The following PSD3 variants were observed in gnomAD, a reference collection of about 807,000 sequenced individuals.
PSD3 encodes PH and SEC7 domain-containing protein 3.
In PSD3, 49 loss-of-function variants were observed where a neutral mutation model predicts 105.5. That is an observed-to-expected ratio of 0.46 (90% CI 0.37 to 0.59). PSD3 has a LOEUF of 0.59. PSD3 is among the 20% of genes least tolerant of loss of function. The pLI, the probability that PSD3 is intolerant of heterozygous loss-of-function variation, is 0.00. For synonymous variants in PSD3, 557 were observed against 457.8 expected, an observed-to-expected ratio of 1.22 and a Z score of -2.77; for missense variants, 1,561 against 1,263.8, an observed-to-expected ratio of 1.24 and a Z score of -3.57.
At chr8:18,948,420 C>A (rs996220984) in intron 1 of PSD3, among the ~76,000 whole-genome samples, 5 of 152,060 alleles carry the variant, frequency 3.3e-5, no homozygotes, top group Admixed American at 6.6e-5. Flanking sequence ...TAAAAGTCAG[C>A]CCAGCATAAT....
chr8:18,977,803 T>G (rs79623486), intron 1 of PSD3, among the ~76,000 whole-genome samples: 4,327 of 152,264 alleles, frequency 0.028, 111 homozygotes, highest in East Asian at 0.1. Flanking sequence ...TTTTCTTCTT[T>G]TTACTTATCC....
chr8:18,949,244 A>AAAAAAATATATAT (rs1345423514), intron 1 of PSD3, among the ~76,000 whole-genome samples: 1 of 14,404 alleles, frequency 6.9e-5, no homozygotes, highest in Non-Finnish European at 1.8e-4. Context: ...AAAAAAAAAA[A>AAAAAAATATATAT]ATATATATAT....
chr8:18,722,140 C>T (rs1803021814), intron 9 of PSD3, among the ~76,000 whole-genome samples: 3 of 151,404 alleles, frequency 2.0e-5, no homozygotes, highest in South Asian at 2.1e-4. Context: ...TCTACTAGAT[C>T]GGTGGGTGGA....
chr8:18,603,601 G>C (rs62498659), intron 11 of PSD3, among the ~76,000 whole-genome samples: 1 of 152,002 alleles, frequency 6.6e-6, no homozygotes, highest in Admixed American at 6.6e-5. Context: ...TTGCAATGTT[G>C]ATAGTGTTTA....
At chr8:18,841,869 C>T (rs1290872713) in intron 4 of PSD3, among the ~76,000 whole-genome samples, 2 of 152,240 alleles carry the variant, frequency 1.3e-5, no homozygotes, top group Non-Finnish European at 2.9e-5. Flanking sequence ...ACCCTAATCC[C>T]TTCATTAAAG....
intron 1 of PSD3, among the ~76,000 whole-genome samples, chr8:18,947,671 A>T (rs1185419045): frequency 3.9e-5 from 6 of 152,204 alleles, no homozygotes; most frequent in Non-Finnish European, 5.9e-5. Context: ...GTTCAAATGA[A>T]TCTTCCTTTG....
chr8:18,910,386 A>G (rs1259027898), intron 2 of PSD3, among the ~76,000 whole-genome samples: 8 of 124,212 alleles, frequency 6.4e-5, no homozygotes, highest in South Asian at 3.0e-4. Context: ...CTATCGCAAG[A>G]ACAAAAAACC....
chr8:18,949,259 ATATATATATATATATATATT>A (rs1180018774), intron 1 of PSD3, among the ~76,000 whole-genome samples: 14 of 105,540 alleles, frequency 1.3e-4, no homozygotes, highest in South Asian at 6.2e-4. Context: ...ATATATATAT[ATATATATATATATATATATT>A]TATAGTTTTC....
intron 4 of PSD3, among the ~76,000 whole-genome samples, chr8:18,825,074 G>A (rs1255300988): frequency 6.6e-6 from 1 of 152,148 alleles, no homozygotes; most frequent in Non-Finnish European, 1.5e-5. Flanking sequence ...AACAGAATTT[G>A]AAAAACCCTG....
intron 1 of PSD3, among the ~76,000 whole-genome samples, chr8:18,949,787 T>C (rs1403246319): frequency 6.6e-6 from 1 of 152,158 alleles, no homozygotes; most frequent in Non-Finnish European, 1.5e-5. Context: ...AAAGAGAGCA[T>C]AAGGTCCTGA....
chr8:18,746,646 G>C (rs1805053917), intron 9 of PSD3, among the ~76,000 whole-genome samples: 1 of 152,204 alleles, frequency 6.6e-6, no homozygotes, highest in Non-Finnish European at 1.5e-5. Flanking sequence ...TACAGTGTTT[G>C]TGTACTGTTC....
At chr8:18,942,485 C>T (rs184873595) in intron 1 of PSD3, among the ~76,000 whole-genome samples, 433 of 152,220 alleles carry the variant, frequency 2.8e-3, no homozygotes, top group African/African-American at 1.0e-2. Flanking sequence ...TGAATTGTGT[C>T]CCCCCAAGAT....
chr8:18,681,414 C>T (rs541560651), intron 9 of PSD3, among the ~76,000 whole-genome samples: 9 of 137,106 alleles, frequency 6.6e-5, no homozygotes, highest in African/African-American at 2.0e-4. Context: ...GGAGACCAAC[C>T]TGGGCAACAT....
At chr8:19,010,823 G>C (rs1826918269) in intron 1 of PSD3, among the ~76,000 whole-genome samples, 2 of 151,960 alleles carry the variant, frequency 1.3e-5, no homozygotes, top group South Asian at 4.2e-4. Context: ...AAAAGAACTA[G>C]GAAGAACTGA....
intron 4 of PSD3, among the ~76,000 whole-genome samples, chr8:18,835,783 G>A (rs766570296): frequency 3.3e-5 from 5 of 152,174 alleles, no homozygotes; most frequent in Non-Finnish European, 7.3e-5. Flanking sequence ...CATGCCCGGC[G>A]TGCTCAGAAA....
chr8:18,936,698 C>T (rs1405431261), intron 1 of PSD3, among the ~76,000 whole-genome samples: 1 of 150,670 alleles, frequency 6.6e-6, no homozygotes, highest in African/African-American at 2.4e-5. Flanking sequence ...GCAGAGGCTG[C>T]AGTGAGCCAA....
chr8:18,978,615 G>C lies in PSD3; in HGVS notation c.21+34948C>G, dbSNP rs182656741. 2.6e-5 allele frequency among the ~76,000 whole-genome samples: 4 copies of C among 152,258 alleles called. No individual in the cohort carries two copies. In the East Asian group the frequency reaches 7.7e-4, roughly 29 times the overall value. On this transcript the variant is annotated intron_variant, in intron 1 of 15. Transcript: ENST00000327040. The stretch of plus-strand genomic sequence containing the variant: ...ACAGACACAGTAACCTCAACATGGG[G>C]TTTACAGCGCAGGAATGAGGAGGAG...
chr8:18,590,478 T>C lies in PSD3; in HGVS notation c.2481+9886A>G, dbSNP rs1803518806. 2.6e-5 allele frequency among the ~76,000 whole-genome samples: 4 copies of C among 152,210 alleles called. 1 individual carries two copies. The South Asian group carries it at 8.3e-4, about 32-fold the overall frequency. On this transcript the variant is annotated intron_variant, in intron 12 of 15. Transcript: ENST00000327040. ...TCAGATCCTTTCCTCTGAATACCCA[T>C]ATGTCAATAATACACTGAAAACAGA...
At chr8:18,576,763 G>A (rs1002734297) in intron 12 of PSD3, among the ~76,000 whole-genome samples, 4 of 152,052 alleles carry the variant, frequency 2.6e-5, no homozygotes, top group African/African-American at 9.7e-5. Flanking sequence ...CTGGAATGAG[G>A]AGAAATGATG....
Sources: gnomAD v4.1 joint callset for allele counts (sites outside exome capture counted in the v4.1 genomes callset) on GRCh38, gnomAD v4.1.1 for gene constraint, MANE v1.5 for transcripts, NCBI Gene and HGNC (gene_info 2026-07-23, HGNC 2026-07-21) for gene names.